Variants in ARMC3 observed in about 807,000 individuals in gnomAD.
ARMC3 encodes the protein armadillo repeat containing 3, also known as armadillo repeat-containing protein 3.
A neutral mutation model predicts 90.3 loss-of-function variants in ARMC3; 74 were observed. The observed-to-expected ratio is 0.82, with a 90% CI of 0.68 to 0.99. The LOEUF (loss-of-function observed/expected upper bound fraction) is 0.99. Ranked by LOEUF, ARMC3 falls within the 50% of genes least tolerant of loss-of-function variation. The pLI is 0.00. For missense variants in ARMC3, 958 were observed against 1,042.8 expected (o/e 0.92, Z 1.12); for synonymous variants, 334 against 361.8 (o/e 0.92, Z 0.87).
chr10:23,016,570 A>G (rs548854573), intron 16 of ARMC3, among the ~76,000 whole-genome samples: 1 of 152,328 alleles, frequency 6.6e-6, no homozygotes, highest in East Asian at 1.9e-4. Context: ...ATTTTACCGG[A>G]GTTAATTTTA....
intron 11 of ARMC3, among the ~76,000 whole-genome samples, chr10:22,999,214 G>A (rs967649482): frequency 6.6e-6 from 1 of 152,130 alleles, no homozygotes; most frequent in African/African-American, 2.4e-5. Flanking sequence ...ATATAAAAAT[G>A]TCCTTGATAA....
intron 8 of ARMC3, among the ~76,000 whole-genome samples, chr10:22,977,179 C>T (rs917484430): frequency 6.6e-6 from 1 of 152,182 alleles, no homozygotes; most frequent in African/African-American, 2.4e-5. Flanking sequence ...TAGAGGAAAT[C>T]TCAAATTTTC....
At chr10:22,984,286 AT>A (rs1416917656) in intron 10 of ARMC3, among the ~76,000 whole-genome samples, 1 of 152,176 alleles carries the variant, frequency 6.6e-6, no homozygotes, top group East Asian at 1.9e-4. Flanking sequence ...CATTTCATGC[AT>A]TGAGTAATCG....
At position 23,038,346 on chromosome 10, in the gene ARMC3, C is replaced by T. The variant is rs112810078; in HGVS notation, c.*867C>T. The T allele has an allele frequency of 6.6e-6, 1 of 152,240 alleles. No homozygotes were observed. The highest frequency in any genetic ancestry group is 2.4e-5 in the African/African-American group (1 of 41,544). 9.4% of individuals were successfully genotyped at this position (152,240 alleles called of 1,614,324 possible). A position where few individuals can be genotyped will look rare whatever the true frequency, so the allele number is the denominator to read the frequency against. ...CAAAAACTACTAATGTGGTTAATCT[C>T]GTGAAGTACATATTGCCTAGTCACG... On this transcript the variant is annotated 3_prime_UTR_variant, in exon 19 of 19. Transcript: ENST00000298032.
intron 7 of ARMC3, among the ~76,000 whole-genome samples, chr10:22,963,450 G>T (rs917016875): frequency 6.6e-6 from 1 of 152,074 alleles, no homozygotes; most frequent in Non-Finnish European, 1.5e-5. Flanking sequence ...AAAATATAGA[G>T]AGTGAAACAT....
intron 7 of ARMC3, among the ~76,000 whole-genome samples, chr10:22,964,666 C>T (rs1004122721): frequency 1.3e-5 from 2 of 151,808 alleles, no homozygotes; most frequent in Non-Finnish European, 2.9e-5. Flanking sequence ...GTCTCGAACT[C>T]CTGACCTCAG....
At chr10:23,018,209 T>C (rs1314422082) in intron 16 of ARMC3, among the ~76,000 whole-genome samples, 1 of 152,156 alleles carries the variant, frequency 6.6e-6, no homozygotes, top group African/African-American at 2.4e-5. Context: ...CCCAGGCCTG[T>C]TCTGGAGACT....
chr10:23,005,778 C>A (rs986068192), intron 13 of ARMC3, among the ~76,000 whole-genome samples: 3 of 151,994 alleles, frequency 2.0e-5, no homozygotes, highest in African/African-American at 7.3e-5. Context: ...GCAGGAGAAT[C>A]ACTTGAACCT....
chr10:22,952,723 A>G (rs2131220209), intron 3 of ARMC3, among the ~76,000 whole-genome samples: 1 of 152,324 alleles, frequency 6.6e-6, no homozygotes, highest in East Asian at 1.9e-4. Context: ...AAGGCAAGAA[A>G]GAAAGAAATC....
At chr10:22,998,121 A>G (rs7915826) in intron 10 of ARMC3, 27 bp from the exon 11 acceptor site, 41,929 of 1,605,804 alleles carry the variant, frequency 0.026, 941 homozygotes, top group African/African-American at 0.11. Flanking sequence ...CAGATGAATC[A>G]CATTCATTTC....
At chr10:22,955,713 G>C in intron 3 of ARMC3, 94 bp from the exon 4 acceptor site, 1 of 1,469,344 alleles carries the variant, frequency 6.8e-7, no homozygotes, top group Non-Finnish European at 9.2e-7. Flanking sequence ...AATGTGAAAG[G>C]CAAATGGCAA....
chr10:22,992,998 G>GAC (rs1282978152), intron 10 of ARMC3, among the ~76,000 whole-genome samples: 1 of 29,772 alleles, frequency 3.4e-5, no homozygotes, highest in Non-Finnish European at 6.6e-5. Context: ...AACTCACGGA[G>GAC]ACATGAAAAG....
chr10:22,930,705 TTGAGCTAACCC>T (rs1833894494), intron 1 of ARMC3, among the ~76,000 whole-genome samples: 1 of 152,202 alleles, frequency 6.6e-6, no homozygotes, highest in Non-Finnish European at 1.5e-5. Flanking sequence ...GACATGCAAT[TTGAGCTAACCC>T]TGACACTGTA....
At chr10:23,025,932 T>A (rs562002007) in intron 16 of ARMC3, among the ~76,000 whole-genome samples, 37 of 151,822 alleles carry the variant, frequency 2.4e-4, no homozygotes, top group Non-Finnish European at 4.6e-4. Flanking sequence ...CAACACACAA[T>A]AAAGGATAAT....
intron 6 of ARMC3, 97 bp downstream of exon 6, chr10:22,959,671 T>G: frequency 1.6e-6 from 2 of 1,219,214 alleles, no homozygotes; most frequent in South Asian, 3.3e-5. Context: ...TGCACCAGTT[T>G]TGCATCATCA....
At chr10:23,014,503 T>C in intron 16 of ARMC3, 1 of 1,011,450 alleles carries the variant, frequency 9.9e-7, no homozygotes, top group Middle Eastern at 4.9e-4. Flanking sequence ...ATTGGGAATA[T>C]TTTATGTTAA....
intron 10 of ARMC3, among the ~76,000 whole-genome samples, chr10:22,985,942 C>G (rs1171323233): frequency 2.4e-4 from 36 of 152,194 alleles, no homozygotes; most frequent in Admixed American, 2.3e-3. Context: ...GGCGAAGCTA[C>G]TTAGCATTAC....
chr10:23,030,529 T>C (rs2131564253), intron 16 of ARMC3, 67 bp from the exon 17 acceptor site: 3 of 1,538,734 alleles, frequency 1.9e-6, no homozygotes, highest in Middle Eastern at 1.7e-4. Flanking sequence ...TTTTCAGAAA[T>C]GCAAGAGCAA....
chr10:22,950,310 T>TAAATA (rs1834695044), intron 3 of ARMC3, among the ~76,000 whole-genome samples: 1 of 151,926 alleles, frequency 6.6e-6, no homozygotes, highest in African/African-American at 2.4e-5. Flanking sequence ...AACATATGTA[T>TAAATA]AAATAAAATA....
Sources: gnomAD v4.1 joint callset for allele counts (sites outside exome capture counted in the v4.1 genomes callset) on GRCh38, gnomAD v4.1.1 for gene constraint, MANE v1.5 for transcripts, NCBI Gene and HGNC (gene_info 2026-07-23, HGNC 2026-07-21) for gene names.